Variants in USP34 observed in about 807,000 individuals in gnomAD.
The protein encoded by USP34 is ubiquitin specific peptidase 34, also known as ubiquitin carboxyl-terminal hydrolase 34.
Under a neutral mutation model 460.3 loss-of-function variants are expected in USP34, and 70 were observed. The observed-to-expected ratio is 0.15, with a 90% CI of 0.13 to 0.19. The LOEUF (loss-of-function observed/expected upper bound fraction) is 0.19, where lower values mean the gene tolerates loss of function less well. Among genes scored for constraint, USP34 ranks in the 10% least tolerant of loss-of-function variants. USP34 has a pLI of 1.00. For missense variants in USP34, 3,985 were observed against 4,236.2 expected (o/e 0.94, Z 1.65); for synonymous variants, 1,647 against 1,405.3 (o/e 1.17, Z -3.85).
intron 72 of USP34, among the ~76,000 whole-genome samples, chr2:61,205,718 T>G (rs994611077): frequency 6.6e-6 from 1 of 152,188 alleles, no homozygotes; most frequent in African/African-American, 2.4e-5. Flanking sequence ...TTGTAAACAT[T>G]TATATGGTTC....
intron 41 of USP34, among the ~76,000 whole-genome samples, chr2:61,275,791 G>C (rs1055766352): frequency 6.6e-6 from 1 of 152,154 alleles, no homozygotes; most frequent in Non-Finnish European, 1.5e-5. Context: ...TGCACAACTC[G>C]TTTAACCTGT....
At chr2:61,396,433 G>C (rs1373203626) in intron 3 of USP34, among the ~76,000 whole-genome samples, 2 of 151,768 alleles carry the variant, frequency 1.3e-5, no homozygotes, top group Non-Finnish European at 2.9e-5. Flanking sequence ...CCCACAATTA[G>C]AAACAACTGA....
At chr2:61,259,871 T>C in intron 43 of USP34, 95 bp from the exon 44 acceptor site, 2 of 1,088,030 alleles carry the variant, frequency 1.8e-6, no homozygotes, top group East Asian at 4.9e-5. Flanking sequence ...ACACTGTATC[T>C]GTTTTCATTC....
At chr2:61,219,203 C>G (rs1687488172) in intron 67 of USP34, among the ~76,000 whole-genome samples, 1 of 152,188 alleles carries the variant, frequency 6.6e-6, no homozygotes, top group African/African-American at 2.4e-5. Flanking sequence ...GGAGTTCTTT[C>G]AGGTTAGCTC....
intron 39 of USP34, among the ~76,000 whole-genome samples, 168 bp from the exon 40 acceptor site, chr2:61,278,611 C>A (rs2103951204): frequency 6.6e-6 from 1 of 152,028 alleles, no homozygotes; most frequent in Admixed American, 6.6e-5. Flanking sequence ...TGTCAATTAA[C>A]CAAATGAGTC....
At position 61,257,075 on chromosome 2, in the gene USP34, T is replaced by C; in HGVS notation, c.6025A>G (p.Ile2009Val). ...ACCAAGGATACAACATTGTTTGTAA[T>C]TACACCTCCAAATAAACTTTTGACG... The part of the protein sequence containing the change: ...NTVKSLFGGV[I>V]TNNVVSLDCE... Residue 2009 changes from isoleucine to valine, a missense_variant, in exon 46 of 80, where the codon ATT (isoleucine) becomes GTT (valine). Ile to Val is a conservative substitution (Grantham distance 29, BLOSUM62 3). Transcript: ENST00000398571. 6.3e-7 allele frequency: 1 copy of C among 1,581,066 alleles called. No homozygotes were observed. Among genetic ancestry groups the C allele is most frequent in the Non-Finnish European group, 8.6e-7 (1 of 1,167,078 alleles).
intron 1 of USP34, among the ~76,000 whole-genome samples, chr2:61,432,601 A>G (rs1279193900): frequency 1.3e-5 from 2 of 152,242 alleles, no homozygotes; most frequent in African/African-American, 4.8e-5. Flanking sequence ...CAACACAGCA[A>G]GACCCCATCT....
chr2:61,362,099 A>C (rs1344205594), intron 10 of USP34, among the ~76,000 whole-genome samples: 1 of 152,232 alleles, frequency 6.6e-6, no homozygotes, highest in Admixed American at 6.5e-5. Context: ...GAGAAACGCA[A>C]ATCAAAAGCA....
Position 61,296,847 on chromosome 2 carries a change from T to C in USP34, c.4207A>G (p.Thr1403Ala). Reference sequence around the variant, plus strand: ...AATGCCATCAACATATTAGGACATGTAGGAAGAAGCATCAGTAGCTCCCAG... The same window carrying C: ...AATGCCATCAACATATTAGGACATGCAGGAAGAAGCATCAGTAGCTCCCAG... ...RVWELLMLLP[T>A]CPNMLMAFQN... Residue 1403 changes from threonine (T) to alanine (A), a missense_variant, in exon 30 of 80, where the codon ACA (threonine) becomes GCA (alanine). Coordinates refer to ENST00000398571, the MANE Select transcript of USP34 (RefSeq NM_014709.4). 1 of 1,613,856 alleles carries C rather than the reference T, an allele frequency of 6.2e-7. No individual in the cohort carries two copies. The highest frequency in any genetic ancestry group is 8.5e-7 in the Non-Finnish European group (1 of 1,179,872).
At position 61,309,901 on chromosome 2, in the gene USP34, T is replaced by C. The variant is rs144494552; in HGVS notation, c.3817+1639A>G. Among the ~76,000 whole-genome samples, 5 of 152,326 alleles carry C rather than the reference T, an allele frequency of 3.3e-5. No individual in the cohort carries two copies. In the East Asian group the frequency reaches 7.7e-4, roughly 23 times the overall value. On this transcript the variant is annotated intron_variant, in intron 27 of 79. Transcript: ENST00000398571. ...TGTATACATCTGTAGGGAAGGTTTA[T>C]AACTTGTCATCTTCTGCAATCCTTT...
chr2:61,342,404 G>A (rs1231077191), intron 16 of USP34, among the ~76,000 whole-genome samples: 2 of 149,532 alleles, frequency 1.3e-5, no homozygotes, highest in African/African-American at 4.9e-5. Flanking sequence ...GGGTTCAAGC[G>A]ATTCTCCTGC....
chr2:61,388,620 G>A (rs1231066211), intron 5 of USP34, among the ~76,000 whole-genome samples: 1 of 152,042 alleles, frequency 6.6e-6, no homozygotes, highest in Non-Finnish European at 1.5e-5. Context: ...GCCAGGCATG[G>A]TGGTGGGCGC....
At chr2:61,383,231 C>T in intron 6 of USP34, 38 bp downstream of exon 6, 2 of 1,409,442 alleles carry the variant, frequency 1.4e-6, no homozygotes, top group African/African-American at 1.4e-5. Context: ...AAATATATTA[C>T]ACTGATAATC....
chr2:61,297,018 C>T, intron 29 of USP34, 93 bp from the exon 30 acceptor site: 1 of 1,470,504 alleles, frequency 6.8e-7, no homozygotes, highest in Non-Finnish European at 9.1e-7. Context: ...ATCAAATTTG[C>T]TAATAGTTTT....
At chr2:61,394,718 T>C (rs1693464009) in intron 5 of USP34, 135 bp downstream of exon 5, 2 of 565,942 alleles carry the variant, frequency 3.5e-6, no homozygotes, top group East Asian at 3.4e-5. Context: ...AACGTTTCTG[T>C]ACTCATTTTG....
At chr2:61,386,490 C>A (rs953343005) in intron 5 of USP34, among the ~76,000 whole-genome samples, 1 of 151,266 alleles carries the variant, frequency 6.6e-6, no homozygotes, top group African/African-American at 2.4e-5. Flanking sequence ...AAAAATTTTT[C>A]AAAAAAAACA....
chr2:61,292,143 T>C (rs1426936243), intron 33 of USP34, among the ~76,000 whole-genome samples: 1 of 152,078 alleles, frequency 6.6e-6, no homozygotes, highest in Non-Finnish European at 1.5e-5. Flanking sequence ...TTTGTGAATA[T>C]AGTAAAAACA....
At chr2:61,238,516 G>T (rs1263675080) in intron 53 of USP34, among the ~76,000 whole-genome samples, 1 of 152,032 alleles carries the variant, frequency 6.6e-6, no homozygotes, top group African/African-American at 2.4e-5. Flanking sequence ...TTTATAATTA[G>T]TTTGCTTAAT....
At chr2:61,461,507 T>C (rs371324228) in intron 1 of USP34, among the ~76,000 whole-genome samples, 2 of 152,194 alleles carry the variant, frequency 1.3e-5, no homozygotes, top group Non-Finnish European at 2.9e-5. Context: ...AATTGCTTAA[T>C]ACATTCTCTA....
Sources: gnomAD v4.1 joint callset for allele counts (sites outside exome capture counted in the v4.1 genomes callset) on GRCh38, gnomAD v4.1.1 for gene constraint, MANE v1.5 for transcripts, NCBI Gene and HGNC (gene_info 2026-07-23, HGNC 2026-07-21) for gene names.